Variants in MAP4 observed in about 807,000 individuals in gnomAD.
MAP4 encodes microtubule associated protein 4, also known as microtubule-associated protein 4.
Under a neutral mutation model 170.2 loss-of-function variants are expected in MAP4, and 76 were observed. That is an observed-to-expected ratio of 0.45 (90% confidence interval 0.37 to 0.54). The LOEUF is 0.54. MAP4 is among the 20% of genes least tolerant of loss of function. The pLI is 0.00. For missense variants in MAP4, 2,506 were observed against 2,748.0 expected (o/e 0.91, Z 1.97); for synonymous variants, 909 against 994.5 (o/e 0.91, Z 1.62).
intron 3 of MAP4, among the ~76,000 whole-genome samples, chr3:47,942,419 T>C (rs750557218): frequency 6.6e-6 from 1 of 152,156 alleles, no homozygotes; most frequent in Non-Finnish European, 1.5e-5. Context: ...CTCACTTTGT[T>C]GCCTAGGCTG....
At chr3:48,035,873 G>T (rs1206782982) in intron 1 of MAP4, among the ~76,000 whole-genome samples, 3 of 152,060 alleles carry the variant, frequency 2.0e-5, no homozygotes, top group African/African-American at 7.2e-5. Context: ...CTGGGTGGTG[G>T]AGGTTGCAGT....
intron 1 of MAP4, among the ~76,000 whole-genome samples, chr3:48,006,888 A>G (rs1444214898): frequency 6.6e-6 from 1 of 152,224 alleles, no homozygotes; most frequent in Non-Finnish European, 1.5e-5. Context: ...AAATTAACAC[A>G]TCTCCTGGTA....
At chr3:47,859,448 G>C (rs2062095455) in intron 17 of MAP4, among the ~76,000 whole-genome samples, 3 of 152,204 alleles carry the variant, frequency 2.0e-5, no homozygotes, top group Admixed American at 6.5e-5. Flanking sequence ...CCCAAGGCCT[G>C]GCACAGAATA....
At chr3:47,986,749 C>G (rs1444534542) in intron 2 of MAP4, among the ~76,000 whole-genome samples, 1 of 152,016 alleles carries the variant, frequency 6.6e-6, no homozygotes, top group African/African-American at 2.4e-5. Flanking sequence ...AGTCTGTTTT[C>G]AAATCAAAGT....
intron 10 of MAP4, among the ~76,000 whole-genome samples, chr3:47,889,927 T>C (rs542041505): frequency 9.2e-4 from 140 of 151,540 alleles, no homozygotes; most frequent in African/African-American, 3.3e-3. Context: ...AAATGTTTTT[T>C]ATCTCCATAA....
At chr3:48,048,935 C>G (rs1269173375) in intron 1 of MAP4, among the ~76,000 whole-genome samples, 2 of 152,134 alleles carry the variant, frequency 1.3e-5, no homozygotes, top group Non-Finnish European at 2.9e-5. Context: ...CCACCTACTA[C>G]CCCCCTGTCC....
intron 9 of MAP4, among the ~76,000 whole-genome samples, chr3:47,906,685 A>T (rs78305033): frequency 6.7e-6 from 1 of 148,298 alleles, no homozygotes; most frequent in Non-Finnish European, 1.5e-5. Context: ...CTCTGTCTCA[A>T]AAAAAAAAAA....
chr3:47,978,162 G>A (rs1003236294), intron 2 of MAP4, among the ~76,000 whole-genome samples: 2 of 152,164 alleles, frequency 1.3e-5, no homozygotes, highest in East Asian at 3.8e-4. Flanking sequence ...TTCCATAGGA[G>A]AGCCCCTCAT....
At chr3:48,072,969 G>A (rs892150159) in intron 1 of MAP4, among the ~76,000 whole-genome samples, 1 of 150,668 alleles carries the variant, frequency 6.6e-6, no homozygotes, top group African/African-American at 2.4e-5. Context: ...AGTGGCTCAC[G>A]CCTGTAATCC....
chr3:48,024,959 CT>C (rs112833339), intron 1 of MAP4, among the ~76,000 whole-genome samples: 83 of 145,442 alleles, frequency 5.7e-4, no homozygotes, highest in Admixed American at 4.8e-4. Context: ...ATTTCTTTTT[CT>C]TTTTTTTTTT....
At chr3:48,001,681 G>T (rs2100099226) in intron 1 of MAP4, among the ~76,000 whole-genome samples, 1 of 151,948 alleles carries the variant, frequency 6.6e-6, no homozygotes, top group Non-Finnish European at 1.5e-5. Flanking sequence ...TGCATTTTTA[G>T]TAGAGACAGG....
Position 47,851,188 on chromosome 3 carries a change from C to T in MAP4, c.*1746G>A. On this transcript the variant is annotated 3_prime_UTR_variant, in exon 21 of 21. Coordinates refer to ENST00000683076, the MANE Select transcript of MAP4 (RefSeq NM_001385682.1). ...TTCTTGGCACAGCAGAAGTGTTCTG[C>T]ACATGGTCTCTACGGAGGAAAGCTG... is the stretch of plus-strand genomic sequence containing the variant. 1 of 152,204 alleles carries T rather than the reference C, an allele frequency of 6.6e-6. No homozygotes were observed. 9.4% of individuals were successfully genotyped at this position (152,204 alleles called of 1,614,324 possible).
In MAP4 at chr3:47,853,167, C is replaced by T. The variant is rs2046359507; in HGVS notation, c.6882G>A (p.Glu2294=). The T allele has an allele frequency of 3.1e-6, 5 of 1,594,802 alleles. No homozygotes were observed. The highest frequency in any genetic ancestry group is 1.3e-5 in the African/African-American group (1 of 74,404). ...AGGCCGAGCCCAGCCACTTACTTGTCTCCTGGATCTGGCTGTCCAAGGTCT... is the reference window on the plus strand; with the variant it reads ...AGGCCGAGCCCAGCCACTTACTTGTTTCCTGGATCTGGCTGTCCAAGGTCT... The part of the protein sequence containing the change: ...EAQTLDSQIQ[E]TN Residue 2294 remains glutamate, a synonymous_variant, in exon 20 of 21, where the codon GAG becomes GAA. Transcript: ENST00000683076.
At chr3:48,084,208 CAAA>C (rs758278974) in intron 1 of MAP4, among the ~76,000 whole-genome samples, 4 of 80,168 alleles carry the variant, frequency 5.0e-5, no homozygotes, top group Non-Finnish European at 2.6e-5. Context: ...GACTCAGTCT[CAAA>C]AAAAAAAAAA....
At chr3:48,079,029 G>C (rs1382399791) in intron 1 of MAP4, among the ~76,000 whole-genome samples, 4 of 152,024 alleles carry the variant, frequency 2.6e-5, no homozygotes, top group Non-Finnish European at 5.9e-5. Context: ...AAATTGGCTG[G>C]GCATGGTGGC....
chr3:47,932,714 T>C (rs1356109642), intron 3 of MAP4, among the ~76,000 whole-genome samples: 1 of 152,236 alleles, frequency 6.6e-6, no homozygotes, highest in African/African-American at 2.4e-5. Flanking sequence ...GGCATTTGTA[T>C]GTTTTCTTTG....
intron 3 of MAP4, among the ~76,000 whole-genome samples, chr3:47,947,801 T>G (rs1578138759): frequency 8.9e-6 from 1 of 112,582 alleles, no homozygotes; most frequent in Non-Finnish European, 1.8e-5. Flanking sequence ...ACAGAGAGAG[T>G]CTCAAAAAAA....
rs527283651 is a variant in MAP4 at position 47,934,223 on chromosome 3, A to T, written c.293-5873T>A. On this transcript the variant is annotated intron_variant, in intron 3 of 20. Coordinates refer to ENST00000683076, the MANE Select transcript of MAP4 (RefSeq NM_001385682.1). ...CCACAACATATTAAATAATTTTTTTAAAAAAGTGATTAGGGTTTTGAACCC... is the reference window on the plus strand; with the variant it reads ...CCACAACATATTAAATAATTTTTTTTAAAAAGTGATTAGGGTTTTGAACCC... 1.3e-4 allele frequency among the ~76,000 whole-genome samples: 20 copies of T among 152,270 alleles called. No individual in the cohort carries two copies. In the South Asian group the frequency reaches 2.1e-3, roughly 16 times the overall value.
At chr3:47,861,282 G>C (rs2065264628) in intron 17 of MAP4, among the ~76,000 whole-genome samples, 1 of 152,076 alleles carries the variant, frequency 6.6e-6, no homozygotes, top group Non-Finnish European at 1.5e-5. Context: ...CTTGAACCCA[G>C]GAGGCAGAGG....
Sources: gnomAD v4.1 joint callset for allele counts (sites outside exome capture counted in the v4.1 genomes callset) on GRCh38, gnomAD v4.1.1 for gene constraint, MANE v1.5 for transcripts, NCBI Gene and HGNC (gene_info 2026-07-23, HGNC 2026-07-21) for gene names.